The following STXBP6 variants were observed in gnomAD, a reference collection of about 807,000 sequenced individuals.
STXBP6 encodes syntaxin binding protein 6.
In STXBP6, 21 loss-of-function variants were observed where a neutral mutation model predicts 26.9. That is an observed-to-expected ratio of 0.78 (90% CI 0.55 to 1.12). The LOEUF is 1.12. Ranked by LOEUF, STXBP6 falls within the 50% of genes most tolerant of loss-of-function variation. The probability of loss-of-function intolerance (pLI) is 0.00; values close to 1 mark genes in which losing one functional copy is unlikely to be tolerated. For missense variants in STXBP6, 232 were observed against 257.9 expected, an observed-to-expected ratio of 0.90 and a Z score of 0.69; for synonymous variants, 97 against 92.6, an observed-to-expected ratio of 1.05 and a Z score of -0.27.
intron 1 of STXBP6, among the ~76,000 whole-genome samples, chr14:25,038,312 T>C (rs2075587898): frequency 6.6e-6 from 1 of 152,190 alleles, no homozygotes; most frequent in South Asian, 2.1e-4. Context: ...GAACTGGCTG[T>C]ACTCACTAAA....
intron 1 of STXBP6, among the ~76,000 whole-genome samples, chr14:25,020,802 T>G (rs1192042275): frequency 6.6e-6 from 1 of 152,190 alleles, no homozygotes; most frequent in Admixed American, 6.5e-5. Flanking sequence ...TCCATAGCAC[T>G]GCTGCAAAAT....
chr14:24,918,954 G>C (rs1235923157), intron 2 of STXBP6, among the ~76,000 whole-genome samples: 2 of 152,012 alleles, frequency 1.3e-5, no homozygotes, highest in East Asian at 1.9e-4. Flanking sequence ...TCCCATACTG[G>C]GAAGGCAGAA....
At chr14:24,967,164 T>A (rs2073760366) in intron 2 of STXBP6, among the ~76,000 whole-genome samples, 1 of 152,202 alleles carries the variant, frequency 6.6e-6, no homozygotes, top group Non-Finnish European at 1.5e-5. Context: ...ATGCTCAGTT[T>A]CCTCATCTAC....
intron 1 of STXBP6, among the ~76,000 whole-genome samples, chr14:25,037,283 T>C (rs1001823545): frequency 6.6e-6 from 1 of 152,162 alleles, no homozygotes; most frequent in African/African-American, 2.4e-5. Context: ...AAACCAGAAC[T>C]TCACTATCAG....
chr14:24,822,938 A>G (rs2068180062), intron 4 of STXBP6, among the ~76,000 whole-genome samples: 1 of 152,180 alleles, frequency 6.6e-6, no homozygotes, highest in Non-Finnish European at 1.5e-5. Context: ...GGGACTCATC[A>G]TATTGTGCTG....
chr14:24,985,706 T>C lies in STXBP6; in HGVS notation c.-32-10856A>G, dbSNP rs757196874. ...TTTACGGAGAAGGATCTCAGCAAGA[T>C]ATTCACAAATAAGCTAACCAACCAC... On this transcript the variant is annotated intron_variant, in intron 1 of 5. Transcript: ENST00000323944. Among the ~76,000 whole-genome samples the C allele has an allele frequency of 1.8e-4, 27 of 152,212 alleles. 1 individual carries two copies. Among genetic ancestry groups the C allele is most frequent in the Middle Eastern group, 3.2e-3 (1 of 316 alleles).
At chr14:24,824,931 T>C (rs903932076) in intron 4 of STXBP6, among the ~76,000 whole-genome samples, 1 of 152,230 alleles carries the variant, frequency 6.6e-6, no homozygotes, top group African/African-American at 2.4e-5. Context: ...TAGCCGCGAA[T>C]TGACTCCAAA....
chr14:24,894,305 G>T (rs149589144), intron 2 of STXBP6, among the ~76,000 whole-genome samples: 136 of 152,306 alleles, frequency 8.9e-4, no homozygotes, highest in Non-Finnish European at 1.6e-3. Context: ...AAAGGTGAAA[G>T]AATTGGAAGT....
intron 1 of STXBP6, among the ~76,000 whole-genome samples, chr14:25,007,515 C>T (rs1485711160): frequency 6.6e-6 from 1 of 152,162 alleles, no homozygotes; most frequent in African/African-American, 2.4e-5. Context: ...GCACAATTCC[C>T]ATCCCCTTCC....
chr14:24,986,436 C>T (rs1028632105), intron 1 of STXBP6, among the ~76,000 whole-genome samples: 2 of 152,130 alleles, frequency 1.3e-5, no homozygotes, highest in Non-Finnish European at 2.9e-5. Flanking sequence ...AGAATACACC[C>T]TGGGAAAAGT....
chr14:25,003,665 C>T (rs2093788057), intron 1 of STXBP6, among the ~76,000 whole-genome samples: 1 of 151,870 alleles, frequency 6.6e-6, no homozygotes, highest in South Asian at 2.1e-4. Flanking sequence ...CCAGACATGC[C>T]CACTGTAAGT....
chr14:24,877,163 C>G (rs2070174763), intron 2 of STXBP6, among the ~76,000 whole-genome samples: 1 of 152,142 alleles, frequency 6.6e-6, no homozygotes, highest in Admixed American at 6.5e-5. Flanking sequence ...TCTGGTCACT[C>G]ACTGGGGCAT....
At chr14:24,965,883 G>A (rs1035203460) in intron 2 of STXBP6, among the ~76,000 whole-genome samples, 1 of 152,134 alleles carries the variant, frequency 6.6e-6, no homozygotes, top group African/African-American at 2.4e-5. Context: ...ATCACCCAAA[G>A]AATGCATCTA....
At chr14:24,987,756 G>A in intron 1 of STXBP6, 1 of 829,468 alleles carries the variant, frequency 1.2e-6, no homozygotes, top group African/African-American at 1.8e-5. Flanking sequence ...GCCAAGTCAA[G>A]TCTTTCCCAC....
chr14:25,049,604 A>G lies in STXBP6; in HGVS notation c.-33+274T>C, dbSNP rs1047508547. 4 of 985,230 alleles carry G rather than the reference A, an allele frequency of 4.1e-6. No individual in the cohort carries two copies. The African/African-American group carries it at 7.0e-5, about 17-fold the overall frequency. 61.0% of individuals were successfully genotyped at this position (985,230 alleles called of 1,614,324 possible). ...ATCGCTCCGTTCTGCGGCTTGCCCA[A>G]TACTGCCCGCACAACGGGTCCCAGG... is the stretch of plus-strand genomic sequence containing the variant. On this transcript the variant is annotated intron_variant, in intron 1 of 5. Coordinates refer to ENST00000323944, the MANE Select transcript of STXBP6 (RefSeq NM_001394410.1). The surrounding 1 kb of genome is among the most constrained non-coding windows in gnomAD (Gnocchi z 5.6).
intron 1 of STXBP6, among the ~76,000 whole-genome samples, chr14:24,996,765 G>A (rs1326841988): frequency 6.8e-6 from 1 of 146,558 alleles, no homozygotes; most frequent in Non-Finnish European, 1.5e-5. Flanking sequence ...TGAGGCAGGA[G>A]AATCGCTTGA....
At chr14:24,847,458 C>G in intron 4 of STXBP6, among the ~76,000 whole-genome samples, 1 of 152,106 alleles carries the variant, frequency 6.6e-6, no homozygotes. Context: ...ATTATGATGA[C>G]AGTAGATGTA....
At position 24,866,994 on chromosome 14, in the gene STXBP6, A is replaced by G. The variant is rs569874795; in HGVS notation, c.155-9837T>C. Among the ~76,000 whole-genome samples the G allele has an allele frequency of 1.2e-4, 19 of 152,246 alleles. No individual in the cohort carries two copies. In the East Asian group the frequency reaches 3.1e-3, roughly 25 times the overall value. On this transcript the variant is annotated intron_variant, in intron 2 of 5. Transcript: ENST00000323944. ...GTTGGAAGACTTACACTATCTGATT[A>G]TATAAGACTTGTTGTAAAACCAAGT...
intron 2 of STXBP6, among the ~76,000 whole-genome samples, chr14:24,962,965 A>G (rs1419408355): frequency 6.6e-6 from 1 of 152,306 alleles, no homozygotes; most frequent in East Asian, 1.9e-4. Flanking sequence ...TATCTTTATA[A>G]TAAGTGTATA....
Sources: allele counts gnomAD v4.1 joint callset (sites outside exome capture counted in the v4.1 genomes callset), GRCh38; gene constraint gnomAD v4.1.1; non-coding constraint Gnocchi (gnomAD v3.1); transcripts MANE v1.5; gene names NCBI Gene and HGNC (gene_info 2026-07-23, HGNC 2026-07-21).